The following ABTB2 variants were observed in gnomAD, a reference collection of about 807,000 sequenced individuals.
The protein encoded by ABTB2 is ankyrin repeat and BTB domain containing 2, also known as ankyrin repeat and BTB/POZ domain-containing protein 2.
ABTB2 carries 56 observed loss-of-function variants against 104.1 expected under a neutral mutation model. The observed-to-expected ratio is 0.54, with a 90% confidence interval of 0.43 to 0.67. The LOEUF (loss-of-function observed/expected upper bound fraction) is 0.67. ABTB2 is among the 30% of genes least tolerant of loss of function. The pLI is 0.00. For synonymous variants in ABTB2, 606 were observed against 608.2 expected, an observed-to-expected ratio of 1.00 and a Z score of 0.05; for missense variants, 1,279 against 1,407.7, an observed-to-expected ratio of 0.91 and a Z score of 1.46.
At chr11:34,211,321 C>T (rs191230708) in intron 1 of ABTB2, among the ~76,000 whole-genome samples, 117 of 152,086 alleles carry the variant, frequency 7.7e-4, no homozygotes, top group African/African-American at 2.7e-3. Context: ...CTTTTCCAGG[C>T]GGGTCTAGAA....
At chr11:34,341,056 G>C (rs558103518) in intron 1 of ABTB2, among the ~76,000 whole-genome samples, 2 of 152,136 alleles carry the variant, frequency 1.3e-5, no homozygotes, top group Admixed American at 6.5e-5. Context: ...CTACCTCTGC[G>C]GGATACTGTG....
rs994103819 is a variant in ABTB2, at chr11:34,265,212, AC to A, written c.884-60523del. Among the ~76,000 whole-genome samples, 6 of 152,220 alleles carry A rather than the reference AC, an allele frequency of 3.9e-5. No homozygotes were observed. The East Asian group carries it at 9.7e-4, about 24-fold the overall frequency. Reference sequence around the variant, plus strand: ...TGAGCATATAAGACAACTCACAAACACCCAGGCCCTTTCACCGGCCTAGCTG... The same window carrying A: ...TGAGCATATAAGACAACTCACAAACACCAGGCCCTTTCACCGGCCTAGCTG... On this transcript the variant is annotated intron_variant, in intron 1 of 16. Coordinates refer to ENST00000435224, the MANE Select transcript of ABTB2 (RefSeq NM_145804.3).
At chr11:34,346,951 G>A (rs1351424317) in intron 1 of ABTB2, among the ~76,000 whole-genome samples, 1 of 152,170 alleles carries the variant, frequency 6.6e-6, no homozygotes, top group Non-Finnish European at 1.5e-5. Flanking sequence ...AAAAAAAGTT[G>A]TAAAGGTTTC....
chr11:34,174,836 TTCTC>T (rs1314894421), intron 3 of ABTB2, among the ~76,000 whole-genome samples: 2 of 152,268 alleles, frequency 1.3e-5, no homozygotes, highest in African/African-American at 2.4e-5. Context: ...ACTCATGCTG[TTCTC>T]TCTGATGACA....
chr11:34,156,523 CTT>C (rs397764001), intron 14 of ABTB2, among the ~76,000 whole-genome samples: 100 of 142,322 alleles, frequency 7.0e-4, no homozygotes, highest in Admixed American at 9.1e-4. Flanking sequence ...TGCTCAGTAA[CTT>C]TTTTTTTTTT....
At chr11:34,171,216 A>G in intron 4 of ABTB2, 145 bp from the exon 5 acceptor site, 1 of 801,382 alleles carries the variant, frequency 1.2e-6, no homozygotes, top group Non-Finnish European at 1.9e-6. Flanking sequence ...ATCAGCAATT[A>G]CTGTCCCCAT....
At chr11:34,235,742 T>C (rs1853833991) in intron 1 of ABTB2, among the ~76,000 whole-genome samples, 1 of 152,172 alleles carries the variant, frequency 6.6e-6, no homozygotes. Context: ...CAACAAGTGA[T>C]CCATCGCTAA....
At chr11:34,187,877 G>A (rs1455867871) in intron 3 of ABTB2, among the ~76,000 whole-genome samples, 2 of 152,170 alleles carry the variant, frequency 1.3e-5, no homozygotes, top group African/African-American at 4.8e-5. Context: ...TGGATGAGAA[G>A]GAGAGAAGAC....
intron 2 of ABTB2, among the ~76,000 whole-genome samples, chr11:34,199,802 T>G (rs1853313427): frequency 6.6e-6 from 1 of 152,182 alleles, no homozygotes; most frequent in Non-Finnish European, 1.5e-5. Flanking sequence ...AAACAATAAA[T>G]GTAAAGCACT....
chr11:34,208,165 G>C (rs187541608), intron 1 of ABTB2, among the ~76,000 whole-genome samples: 1 of 152,076 alleles, frequency 6.6e-6, no homozygotes, highest in South Asian at 2.1e-4. Flanking sequence ...TTAACACCTC[G>C]ATGTGTTCCT....
intron 3 of ABTB2, among the ~76,000 whole-genome samples, chr11:34,196,200 ATAT>A (rs1213486819): frequency 1.3e-5 from 2 of 152,236 alleles, no homozygotes; most frequent in East Asian, 1.9e-4. Context: ...TATAAAAAAA[ATAT>A]TATATTTTCC....
At chr11:34,163,106 G>A (rs748484663) in intron 9 of ABTB2, among the ~76,000 whole-genome samples, 2 of 152,210 alleles carry the variant, frequency 1.3e-5, no homozygotes, top group Non-Finnish European at 2.9e-5. Flanking sequence ...CCTTAGCCAG[G>A]TCACTCTACC....
At chr11:34,301,896 A>C (rs1437510828) in intron 1 of ABTB2, among the ~76,000 whole-genome samples, 1 of 152,228 alleles carries the variant, frequency 6.6e-6, no homozygotes, top group African/African-American at 2.4e-5. Flanking sequence ...CTAAAGCAAA[A>C]GGATCGCTTG....
At chr11:34,255,364 C>T (rs1854108441) in intron 1 of ABTB2, among the ~76,000 whole-genome samples, 1 of 152,132 alleles carries the variant, frequency 6.6e-6, no homozygotes, top group African/African-American at 2.4e-5. Context: ...GAGAACGGTA[C>T]AGACAGCCCA....
chr11:34,249,127 C>T (rs1025721762), intron 1 of ABTB2, among the ~76,000 whole-genome samples: 1 of 152,170 alleles, frequency 6.6e-6, no homozygotes, highest in Non-Finnish European at 1.5e-5. Flanking sequence ...GAAACTCTGT[C>T]TCAAACAAAC....
chr11:34,181,358 C>T (rs1590209446), intron 3 of ABTB2, among the ~76,000 whole-genome samples: 1 of 152,220 alleles, frequency 6.6e-6, no homozygotes, highest in Non-Finnish European at 1.5e-5. Flanking sequence ...GAAACCCCTC[C>T]AGTTTCCAGC....
intron 1 of ABTB2, among the ~76,000 whole-genome samples, chr11:34,241,125 TTC>T (rs1193054232): frequency 6.6e-6 from 1 of 152,130 alleles, no homozygotes; most frequent in Non-Finnish European, 1.5e-5. Context: ...ATGGTTTGAG[TTC>T]CAGTCTCAGC....
At chr11:34,273,627 C>G (rs1854346418) in intron 1 of ABTB2, among the ~76,000 whole-genome samples, 1 of 152,080 alleles carries the variant, frequency 6.6e-6, no homozygotes, top group Admixed American at 6.5e-5. Flanking sequence ...AGGGATGGAA[C>G]AGGGCCTGAT....
At chr11:34,192,192 C>T (rs1853184887) in intron 3 of ABTB2, among the ~76,000 whole-genome samples, 1 of 152,032 alleles carries the variant, frequency 6.6e-6, no homozygotes, top group Non-Finnish European at 1.5e-5. Context: ...ACTGGGGGGG[C>T]TGAGGTGGGA....
Sources: allele counts gnomAD v4.1 joint callset (sites outside exome capture counted in the v4.1 genomes callset), GRCh38; gene constraint gnomAD v4.1.1; transcripts MANE v1.5; gene names NCBI Gene and HGNC (gene_info 2026-07-23, HGNC 2026-07-21).